The following HPD variants were observed in gnomAD, a reference collection of about 807,000 sequenced individuals.
HPD encodes the protein 4-hydroxyphenylpyruvic acid oxidase.
HPD carries 35 observed loss-of-function variants against 56.9 expected under a neutral mutation model. The ratio of observed to expected loss-of-function variants is 0.62; its 90% CI spans 0.47 to 0.82. The LOEUF (loss-of-function observed/expected upper bound fraction) is 0.82, where lower values mean the gene tolerates loss of function less well. Among genes scored for constraint, HPD ranks in the 40% least tolerant of loss-of-function variants. The pLI, the probability that HPD is intolerant of heterozygous loss-of-function variation, is 0.00. For missense variants in HPD, 442 were observed against 506.8 expected (o/e 0.87, Z 1.23); for synonymous variants, 186 against 200.2 (o/e 0.93, Z 0.60).
intron 12 of HPD, among the ~76,000 whole-genome samples, chr12:121,840,602 G>A (rs932251208): frequency 2.0e-5 from 3 of 151,940 alleles, no homozygotes; most frequent in Non-Finnish European, 4.4e-5. Context: ...GACCTGCTGC[G>A]GGATCTTTTA....
chr12:121,855,759 A>C (rs1434095011), intron 6 of HPD, among the ~76,000 whole-genome samples: 1 of 151,626 alleles, frequency 6.6e-6, no homozygotes, highest in Admixed American at 6.6e-5. Flanking sequence ...GAAAAAAGAA[A>C]AAAAAGGAAA....
rs781659195 is a variant in HPD, at chr12:121,840,025, G to C, written c.978C>G (p.Tyr326Ter). The change falls in exon 13 of 14, where the codon TAC becomes TAG. Residue 326 changes from tyrosine to a stop codon, truncating the protein, a stop_gained. Coordinates refer to ENST00000289004, the MANE Select transcript of HPD (RefSeq NM_002150.3). LOFTEE classifies it high-confidence loss of function. ...TCTGCAGGAGGTAGCCTTTCTCGTC[G>C]TAGTCCACCAGGATTTTCAGCTCCT... ...ALEELKILVD[Y>*]DEKGYLLQIF... 1.2e-6 allele frequency: 2 copies of C among 1,613,290 alleles called. No homozygotes were observed. The highest frequency in any genetic ancestry group is 1.7e-6 in the Non-Finnish European group (2 of 1,179,480).
At position 121,846,904 on chromosome 12, in the gene HPD, C is replaced by A. The variant is rs1373442552; in HGVS notation, c.789G>T (p.Gly263=). ...QEYVDYNGGA[G]VQHIALKTED... is the part of the protein sequence containing the mutation. Reference sequence around the variant, plus strand: ...CGGTCTTGAGAGCGATGTGCTGGACCCCAGCGCCCCCGTTATAGTCCACAT... The same window carrying A: ...CGGTCTTGAGAGCGATGTGCTGGACACCAGCGCCCCCGTTATAGTCCACAT... Residue 263 remains glycine (G), a synonymous_variant, in exon 11 of 14, where the codon GGG becomes GGT. Coordinates refer to ENST00000289004, the MANE Select transcript of HPD (RefSeq NM_002150.3). The A allele has an allele frequency of 8.1e-6, 13 of 1,613,958 alleles. No homozygotes were observed. The highest frequency in any genetic ancestry group is 1.6e-4 in the Middle Eastern group (1 of 6,084).
upstream of HPD, chr12:121,859,106 G>C (rs143892635): frequency 1.1e-3 from 581 of 522,976 alleles, 4 homozygotes; most frequent in African/African-American, 0.01. Flanking sequence ...TTTCCAGGAC[G>C]CTGGGAATGT....
chr12:121,853,896 G>A (rs535800083), intron 7 of HPD, among the ~76,000 whole-genome samples: 1 of 145,048 alleles, frequency 6.9e-6, no homozygotes. Context: ...GAGATCACGC[G>A]ACTGCACTCC....
At chr12:121,886,477 C>T in the HPD span, among the ~76,000 whole-genome samples, 2 of 149,812 alleles carry the variant, frequency 1.3e-5, no homozygotes, top group African/African-American at 4.9e-5. Flanking sequence ...GCCACCTGCC[C>T]TGGCCTCCCA....
the HPD span, among the ~76,000 whole-genome samples, chr12:121,876,782 C>T: frequency 3.9e-5 from 6 of 152,120 alleles, no homozygotes; most frequent in South Asian, 2.1e-4. Context: ...TCCCCATTTC[C>T]GAGTCTTAGG....
chr12:121,849,991 A>G, intron 7 of HPD: 1 of 596,360 alleles, frequency 1.7e-6, no homozygotes, highest in South Asian at 1.8e-5. Context: ...GAGGGCGGGG[A>G]CACTGTTTTG....
the HPD span, among the ~76,000 whole-genome samples, chr12:121,888,522 C>T: frequency 6.6e-6 from 1 of 152,370 alleles, no homozygotes; most frequent in Admixed American, 6.5e-5. Flanking sequence ...TCCATCCATA[C>T]AGTAGGCGCT....
At chr12:121,857,455 G>C (rs374184540) in intron 3 of HPD, 23 bp from the exon 4 acceptor site, 153 of 1,535,792 alleles carry the variant, frequency 1.0e-4, no homozygotes, top group Middle Eastern at 1.7e-4. Context: ...GTTGCAGCAG[G>C]GTTCATGAGG....
At chr12:121,841,273 G>A (rs1368769506) in intron 12 of HPD, among the ~76,000 whole-genome samples, 1 of 152,062 alleles carries the variant, frequency 6.6e-6, no homozygotes, top group Non-Finnish European at 1.5e-5. Context: ...GGAGGCTGAG[G>A]CAGGAGAATT....
the HPD span, among the ~76,000 whole-genome samples, chr12:121,869,043 T>C: frequency 2.5e-4 from 36 of 144,102 alleles, no homozygotes; most frequent in Non-Finnish European, 5.2e-4. Flanking sequence ...CATGTGCCAC[T>C]GTGCCCAGCC....
chr12:121,839,732 A>T lies in HPD; in HGVS notation c.1178T>A (p.Met393Lys). 2 of 1,610,022 alleles carry T rather than the reference A, an allele frequency of 1.2e-6. No homozygotes were observed. The highest frequency in any genetic ancestry group is 1.7e-6 in the Non-Finnish European group (2 of 1,176,294). Reference sequence around the variant, plus strand: ...CCTCCGTGGGGTGGGCGGGGCTTACATGCCGGGCACCACCCCATTGGTCTC... The same window carrying T: ...CCTCCGTGGGGTGGGCGGGGCTTACTTGCCGGGCACCACCCCATTGGTCTC... Reference protein sequence around the residue: ...NMETNGVVPGM With the variant: ...NMETNGVVPGK Residue 393 changes from methionine (M) to lysine (K), a missense_variant, in exon 14 of 14, where the codon ATG (methionine) becomes AAG (lysine). Transcript: ENST00000289004.
rs1877780404 is a variant in HPD at position 121,851,690 on chromosome 12, TA to T, written c.415-1901del. ...TTTAAAACATTTTTATTCATTTATT[TA>T]TTTATTTATTTTTTTTTTTTTTTTT... On this transcript the variant is annotated intron_variant, in intron 7 of 13. Transcript: ENST00000289004. Among the ~76,000 whole-genome samples the T allele has an allele frequency of 8.9e-4, 5 of 5,626 alleles. 1 individual carries two copies. The highest frequency in any genetic ancestry group is 8.0e-3 in the African/African-American group (5 of 624). 3.7% of individuals were successfully genotyped at this position (5,626 alleles called of 152,430 possible).
intron 8 of HPD, 41 bp from the exon 9 acceptor site, chr12:121,849,117 C>G (rs774891597): frequency 3.1e-6 from 4 of 1,297,698 alleles, no homozygotes; most frequent in Admixed American, 1.7e-5. Flanking sequence ...GTGGCTACCC[C>G]CCAGATTGCT....
At position 121,856,644 on chromosome 12, in the gene HPD, G is replaced by A; in HGVS notation, c.199-19C>T. 6.2e-7 allele frequency: 1 copy of A among 1,613,874 alleles called. No individual in the cohort carries two copies. Among genetic ancestry groups the A allele is most frequent in the East Asian group, 2.2e-5 (1 of 44,884 alleles). ...ACACAATCTAAGATAGGAGGAGAAGGAGGTGAGGCTAGTGGCTCAGGGGGG... is the reference window on the plus strand; with the variant it reads ...ACACAATCTAAGATAGGAGGAGAAGAAGGTGAGGCTAGTGGCTCAGGGGGG... On this transcript the variant is annotated intron_variant, in intron 4 of 13. Transcript: ENST00000289004.
intron 9 of HPD, among the ~76,000 whole-genome samples, chr12:121,848,736 A>G (rs1195900949): frequency 6.6e-6 from 1 of 151,718 alleles, no homozygotes; most frequent in Non-Finnish European, 1.5e-5. Context: ...CTCTTGAGTA[A>G]CTGGAATTAC....
intron 9 of HPD, among the ~76,000 whole-genome samples, chr12:121,848,409 T>G (rs1011493054): frequency 2.0e-5 from 3 of 152,088 alleles, no homozygotes; most frequent in Non-Finnish European, 4.4e-5. Context: ...CCTTCCTGGT[T>G]CAAGCGATTC....
At position 121,847,220 on chromosome 12, in the gene HPD, G is replaced by C. The variant is rs776140209; in HGVS notation, c.597-6C>G. The C allele has an allele frequency of 3.7e-6, 6 of 1,614,088 alleles. No individual in the cohort carries two copies. In the South Asian group the frequency reaches 6.6e-5, roughly 18 times the overall value. ...ACTGCAGGTTTTTCAGGTACCTGTAGGGTGGGCGGTGGAACACATATGCTC... is the reference window on the plus strand; with the variant it reads ...ACTGCAGGTTTTTCAGGTACCTGTACGGTGGGCGGTGGAACACATATGCTC... On this transcript the variant is annotated splice_polypyrimidine_tract_variant and splice_region_variant and intron_variant, in intron 9 of 13. Coordinates refer to ENST00000289004, the MANE Select transcript of HPD (RefSeq NM_002150.3).
Sources: gnomAD v4.1 joint callset for allele counts (sites outside exome capture counted in the v4.1 genomes callset) on GRCh38, gnomAD v4.1.1 for gene constraint, MANE v1.5 for transcripts, NCBI Gene and HGNC (gene_info 2026-07-23, HGNC 2026-07-21) for gene names.